Variants in ENTREP2 observed in about 807,000 individuals in gnomAD.
The protein encoded by ENTREP2 is endosomal transmembrane epsin interactor 2.
chr15:29,670,795 G>A, the ENTREP2 span, among the ~76,000 whole-genome samples: 143 of 152,334 alleles, frequency 9.4e-4, no homozygotes, highest in African/African-American at 3.4e-3. Flanking sequence ...AGGCTAAGAT[G>A]TGAAGCATGG....
the ENTREP2 span, among the ~76,000 whole-genome samples, chr15:29,577,340 G>GTGTGTA: frequency 6.7e-6 from 1 of 149,486 alleles, no homozygotes; most frequent in African/African-American, 2.5e-5. Flanking sequence ...GTGTGTGTGT[G>GTGTGTA]TGTGTGTGTG....
chr15:29,165,113 C>A, the ENTREP2 span, among the ~76,000 whole-genome samples: 2 of 152,064 alleles, frequency 1.3e-5, no homozygotes, highest in South Asian at 2.1e-4. Flanking sequence ...TTAAAAAATT[C>A]TTCGAACTGA....
At chr15:29,421,805 T>G in the ENTREP2 span, among the ~76,000 whole-genome samples, 2 of 152,154 alleles carry the variant, frequency 1.3e-5, no homozygotes, top group African/African-American at 4.8e-5. Context: ...CATGGTGCCA[T>G]GGGAAAAAGC....
chr15:29,263,347 C>T, the ENTREP2 span, among the ~76,000 whole-genome samples: 11 of 152,304 alleles, frequency 7.2e-5, no homozygotes, highest in East Asian at 2.1e-3. Context: ...ATTTCCTGAA[C>T]AATTCAGTGC....
the ENTREP2 span, among the ~76,000 whole-genome samples, chr15:29,311,703 A>T: frequency 6.6e-6 from 1 of 152,116 alleles, no homozygotes; most frequent in Non-Finnish European, 1.5e-5. Context: ...CCCAAAAAAA[A>T]GTATGATCTT....
the ENTREP2 span, among the ~76,000 whole-genome samples, chr15:29,334,897 G>T: frequency 6.6e-6 from 1 of 152,318 alleles, no homozygotes; most frequent in South Asian, 2.1e-4. Flanking sequence ...AAGACAGAAA[G>T]GTGTCTGGCC....
chr15:29,370,332 T>A, the ENTREP2 span, among the ~76,000 whole-genome samples: 1 of 152,160 alleles, frequency 6.6e-6, no homozygotes, highest in Non-Finnish European at 1.5e-5. Flanking sequence ...ATCCTAGTAT[T>A]AGACAAAATC....
chr15:29,488,685 T>C, the ENTREP2 span, among the ~76,000 whole-genome samples: 1 of 152,180 alleles, frequency 6.6e-6, no homozygotes, highest in Non-Finnish European at 1.5e-5. Flanking sequence ...GAGGAGCCAC[T>C]GATTCACATA....
the ENTREP2 span, among the ~76,000 whole-genome samples, chr15:29,335,163 T>C: frequency 2.0e-5 from 3 of 152,334 alleles, no homozygotes; most frequent in Admixed American, 6.5e-5. Context: ...GGTTGCTTAG[T>C]GCCACTATAT....
the ENTREP2 span, among the ~76,000 whole-genome samples, chr15:29,294,005 C>T: frequency 0.52 from 79,699 of 152,042 alleles, 23,217 homozygotes; most frequent in Non-Finnish European, 0.67. Context: ...TGCAGCCTAA[C>T]CTCCACCCCC....
chr15:29,125,056 C>A, the ENTREP2 span, among the ~76,000 whole-genome samples: 47 of 152,184 alleles, frequency 3.1e-4, no homozygotes, highest in South Asian at 2.1e-4. Flanking sequence ...GGGCTCCAGG[C>A]ACCCTGGAAG....
chr15:29,478,416 C>A, the ENTREP2 span, among the ~76,000 whole-genome samples: 1 of 152,146 alleles, frequency 6.6e-6, no homozygotes, highest in African/African-American at 2.4e-5. Context: ...GTTGTACATT[C>A]TTTCATGCAC....
the ENTREP2 span, among the ~76,000 whole-genome samples, chr15:29,119,048 C>T: frequency 6.6e-6 from 1 of 152,132 alleles, no homozygotes; most frequent in Non-Finnish European, 1.5e-5. Context: ...CTTACTCTCA[C>T]CTAGCCGCCC....
At chr15:29,253,578 G>C in the ENTREP2 span, among the ~76,000 whole-genome samples, 4 of 151,840 alleles carry the variant, frequency 2.6e-5, no homozygotes, top group Non-Finnish European at 5.9e-5. Flanking sequence ...GAGTAGCTGG[G>C]ACTACAGGTG....
At chr15:29,443,615 T>C in the ENTREP2 span, among the ~76,000 whole-genome samples, 1 of 150,498 alleles carries the variant, frequency 6.6e-6, no homozygotes, top group African/African-American at 2.4e-5. Context: ...CCTTTAGAGG[T>C]TTATTTTGCC....
chr15:29,324,688 G>A, the ENTREP2 span, among the ~76,000 whole-genome samples: 1 of 152,114 alleles, frequency 6.6e-6, no homozygotes, highest in African/African-American at 2.4e-5. Context: ...TGATATAAAG[G>A]TCAGTTTCCA....
chr15:29,489,572 G>T, the ENTREP2 span, among the ~76,000 whole-genome samples: 1 of 152,130 alleles, frequency 6.6e-6, no homozygotes, highest in African/African-American at 2.4e-5. Flanking sequence ...TCTATACATA[G>T]GTGCATCCCA....
chr15:29,663,831 G>C, the ENTREP2 span, among the ~76,000 whole-genome samples: 1 of 152,056 alleles, frequency 6.6e-6, no homozygotes, highest in Non-Finnish European at 1.5e-5. Context: ...CCTGCACGTT[G>C]TGCACATGTA....
the ENTREP2 span, among the ~76,000 whole-genome samples, chr15:29,454,210 C>G: frequency 6.6e-6 from 1 of 152,160 alleles, no homozygotes; most frequent in African/African-American, 2.4e-5. Context: ...AGGTTTGGTA[C>G]TTTTCTATTT....
Sources: gnomAD v4.1 joint callset for allele counts (sites outside exome capture counted in the v4.1 genomes callset) on GRCh38, gnomAD v4.1.1 for gene constraint, MANE v1.5 for transcripts, NCBI Gene and HGNC (gene_info 2026-07-23, HGNC 2026-07-21) for gene names.